UGGT1: variants seen among roughly 807,000 people sequenced by gnomAD.
The protein encoded by UGGT1 is UDP-glucose glycoprotein glucosyltransferase 1.
Under a neutral mutation model 203.9 loss-of-function variants are expected in UGGT1, and 107 were observed. That is an observed-to-expected ratio of 0.52 (90% CI 0.45 to 0.62). UGGT1 has a LOEUF of 0.62. UGGT1 is among the 20% of genes least tolerant of loss of function. The pLI, the probability that UGGT1 is intolerant of heterozygous loss-of-function variation, is 0.00. For missense variants in UGGT1, 1,673 were observed against 1,867.2 expected (o/e 0.90, Z 1.92); for synonymous variants, 628 against 653.5 (o/e 0.96, Z 0.59).
rs138653015 is a variant in UGGT1, at chr2:128,148,981, T to C, written c.2016+3014T>C. The stretch of plus-strand genomic sequence containing the variant: ...TTTGGGGCCATTGATTTTCAAGGCT[T>C]TGTGCAGCTGGGGAGATGTAAATAG... On this transcript the variant is annotated intron_variant, in intron 18 of 40. Coordinates refer to ENST00000259253, the MANE Select transcript of UGGT1 (RefSeq NM_020120.4). Among the ~76,000 whole-genome samples, 198 of 152,242 alleles carry C rather than the reference T, an allele frequency of 1.3e-3. 1 individual carries two copies. Among genetic ancestry groups the C allele is most frequent in the African/African-American group, 4.4e-3 (184 of 41,548 alleles).
intron 16 of UGGT1, chr2:128,140,235 C>G (rs1004521394): frequency 1.2e-5 from 2 of 160,190 alleles, no homozygotes; most frequent in African/African-American, 4.8e-5. Flanking sequence ...CCTTTTCAGT[C>G]TATCATCGGA....
At chr2:128,115,706 ATAC>A (rs1688069767) in intron 7 of UGGT1, among the ~76,000 whole-genome samples, 1 of 152,090 alleles carries the variant, frequency 6.6e-6, no homozygotes, top group Admixed American at 6.5e-5. Context: ...TTTACTGTGG[ATAC>A]TTTCTGTTGT....
At chr2:128,151,294 G>T in intron 18 of UGGT1, 1 of 583,064 alleles carries the variant, frequency 1.7e-6, no homozygotes. Context: ...CTGCTTCTTG[G>T]GCTGTTTCAG....
At chr2:128,158,069 G>A (rs1439925201) in intron 22 of UGGT1, among the ~76,000 whole-genome samples, 2 of 152,182 alleles carry the variant, frequency 1.3e-5, no homozygotes, top group Non-Finnish European at 2.9e-5. Context: ...TGTTCAAGGA[G>A]TGGACCAAAT....
At chr2:128,144,058 A>C (rs1689565200) in intron 17 of UGGT1, among the ~76,000 whole-genome samples, 1 of 152,186 alleles carries the variant, frequency 6.6e-6, no homozygotes, top group African/African-American at 2.4e-5. Context: ...AACTGATGAG[A>C]ATATATAGTC....
At chr2:128,134,728 G>A (rs1421073778) in intron 14 of UGGT1, 148 bp from the exon 15 acceptor site, 21 of 642,744 alleles carry the variant, frequency 3.3e-5, no homozygotes, top group Middle Eastern at 2.9e-4. Flanking sequence ...GAGGGAGGTA[G>A]CTGCTATGTG....
intron 31 of UGGT1, among the ~76,000 whole-genome samples, chr2:128,175,958 A>T (rs1375091716): frequency 1.3e-5 from 2 of 152,052 alleles, no homozygotes; most frequent in Non-Finnish European, 2.9e-5. Context: ...CATACATTTA[A>T]TTTTTCTTCC....
chr2:128,162,475 A>G (rs1187941265), intron 25 of UGGT1, among the ~76,000 whole-genome samples: 2 of 151,784 alleles, frequency 1.3e-5, no homozygotes, highest in African/African-American at 4.8e-5. Flanking sequence ...TTTTTCTTAC[A>G]TCATCATGCT....
Position 128,145,839 on chromosome 2 carries a change from C to T in UGGT1, c.1888C>T (p.Pro630Ser). ...CTACTATGAGCAGACTGGAGTTGGA[C>T]CTCTGCCCGTTGTGCTGTTCAATGG... ...RGYYEQTGVG[P>S]LPVVLFNGMP... The change falls in exon 18 of 41, where the codon CCT becomes TCT. Residue 630 changes from proline (P) to serine (S), a missense_variant. Coordinates refer to ENST00000259253, the MANE Select transcript of UGGT1 (RefSeq NM_020120.4). The T allele has an allele frequency of 2.5e-6, 4 of 1,611,522 alleles. No homozygotes were observed. Among genetic ancestry groups the T allele is most frequent in the Non-Finnish European group, 3.4e-6 (4 of 1,178,268 alleles).
At chr2:128,163,692 C>T (rs1239857632) in intron 25 of UGGT1, among the ~76,000 whole-genome samples, 2 of 147,490 alleles carry the variant, frequency 1.4e-5, no homozygotes, top group Non-Finnish European at 3.0e-5. Context: ...CCAGCCTGGG[C>T]GATAGAGTGA....
chr2:128,159,707 A>T lies in UGGT1; in HGVS notation c.2549A>T (p.Glu850Val). 1 of 1,614,056 alleles carries T rather than the reference A, an allele frequency of 6.2e-7. No homozygotes were observed. Among genetic ancestry groups the T allele is most frequent in the South Asian group, 1.1e-5 (1 of 91,068 alleles). The change falls in exon 23 of 41, where the codon GAG becomes GTG. Residue 850 changes from glutamate to valine, a missense_variant. Around this residue, in one of 4 missense-constraint regions of UGGT1, gnomAD observed 1,073 missense variants for 1,078.7 expected, o/e 0.99. Transcript: ENST00000259253. ...EALAAGADIA[E>V]FSVGGMDFSL... Reference sequence around the variant, plus strand: ...CTGGCTGCAGGAGCTGACATTGCGGAGTTCTCTGTTGGGGTAAGGCTCTGA... The same window carrying T: ...CTGGCTGCAGGAGCTGACATTGCGGTGTTCTCTGTTGGGGTAAGGCTCTGA...
chr2:128,123,168 A>G lies in UGGT1; in HGVS notation c.1074-18A>G. The G allele has an allele frequency of 6.2e-7, 1 of 1,604,858 alleles. No individual in the cohort carries two copies. The highest frequency in any genetic ancestry group is 8.5e-7 in the Non-Finnish European group (1 of 1,174,458). On this transcript the variant is annotated intron_variant, in intron 10 of 40. Coordinates refer to ENST00000259253, the MANE Select transcript of UGGT1 (RefSeq NM_020120.4). ...TCAAATATTAAGCCAAGCACTCATA[A>G]TGTTTTTATTTCCTTAGAGCAATAA...
intron 34 of UGGT1, 84 bp from the exon 35 acceptor site, chr2:128,179,702 A>G (rs1402567977): frequency 1.7e-6 from 2 of 1,143,300 alleles, no homozygotes; most frequent in South Asian, 1.4e-5. Context: ...AAGAGCATTT[A>G]GGTGTCTCGT....
Position 128,138,744 on chromosome 2 carries a change from C to T in UGGT1, c.1611C>T (p.Asp537=). The stretch of plus-strand genomic sequence containing the variant: ...TTGGTTTTATCTTTGTGGTTAATGA[C>T]TCTGAAGATGTTGATGGGATGCAAG... ...LRIGFIFVVN[D]SEDVDGMQDA... The change falls in exon 16 of 41, where the codon GAC becomes GAT. Residue 537 remains aspartate, a synonymous_variant. Transcript: ENST00000259253. The T allele has an allele frequency of 6.2e-7, 1 of 1,614,000 alleles. No homozygotes were observed. The highest frequency in any genetic ancestry group is 8.5e-7 in the Non-Finnish European group (1 of 1,179,984).
chr2:128,102,595 A>G (rs918517166), intron 2 of UGGT1, among the ~76,000 whole-genome samples: 2 of 152,176 alleles, frequency 1.3e-5, no homozygotes, highest in Non-Finnish European at 2.9e-5. Flanking sequence ...CAGTGGATCT[A>G]GTAAGTAATA....
chr2:128,145,382 T>C (rs1558791151), intron 17 of UGGT1, among the ~76,000 whole-genome samples: 5 of 152,322 alleles, frequency 3.3e-5, no homozygotes, highest in Middle Eastern at 3.4e-3. Context: ...GACTACTGCA[T>C]TGGACAGCAC....
At chr2:128,160,232 A>G (rs529857523) in intron 23 of UGGT1, among the ~76,000 whole-genome samples, 1 of 152,352 alleles carries the variant, frequency 6.6e-6, no homozygotes, top group South Asian at 2.1e-4. Context: ...AATGATGAAT[A>G]GTCTGCTAGT....
At chr2:128,114,219 G>A (rs1431558171) in intron 6 of UGGT1, among the ~76,000 whole-genome samples, 5 of 152,116 alleles carry the variant, frequency 3.3e-5, no homozygotes, top group African/African-American at 1.2e-4. Context: ...CTGAGTTCAA[G>A]TGACTCTCCT....
At chr2:128,099,536 C>T (rs1333775512) in intron 2 of UGGT1, among the ~76,000 whole-genome samples, 2 of 152,140 alleles carry the variant, frequency 1.3e-5, no homozygotes, top group East Asian at 1.9e-4. Flanking sequence ...CGAATGGTTG[C>T]ACCTCTTAAG....
Sources: allele counts gnomAD v4.1 joint callset (sites outside exome capture counted in the v4.1 genomes callset), GRCh38; gene constraint gnomAD v4.1.1; regional missense constraint gnomAD v4.1.1; transcripts MANE v1.5; gene names NCBI Gene and HGNC (gene_info 2026-07-23, HGNC 2026-07-21).